The following EPHA5 variants were observed in gnomAD, a reference collection of about 807,000 sequenced individuals.
The protein encoded by EPHA5 is ephrin type-A receptor 5.
EPHA5 carries 60 observed loss-of-function variants against 105.0 expected under a neutral mutation model. The observed-to-expected ratio is 0.57, with a 90% CI of 0.46 to 0.71. The LOEUF is 0.71. Ranked by LOEUF, EPHA5 falls within the 30% of genes least tolerant of loss-of-function variation. The pLI is 0.00. For missense variants in EPHA5, 1,218 were observed against 1,274.7 expected (o/e 0.96, Z 0.68); for synonymous variants, 513 against 449.1 (o/e 1.14, Z -1.80).
At chr4:65,514,728 C>T (rs763892924) in intron 3 of EPHA5, among the ~76,000 whole-genome samples, 1 of 152,130 alleles carries the variant, frequency 6.6e-6, no homozygotes, top group Non-Finnish European at 1.5e-5. Context: ...CCCTAAAATG[C>T]TCGTCATCAA....
chr4:65,602,023 G>A lies in EPHA5; in HGVS notation c.528C>T (p.Thr176=), dbSNP rs745705357. 6.2e-7 allele frequency: 1 copy of A among 1,614,054 alleles called. No individual in the cohort carries two copies. Among genetic ancestry groups the A allele is most frequent in the East Asian group, 2.2e-5 (1 of 44,874 alleles). Residue 176 remains threonine (T), a synonymous_variant, in exon 3 of 17, where the codon ACC becomes ACT. Transcript: ENST00000613740. ...CTGTAAAGCTTTCATCGGCAGCAAT[G>A]GTATCAATTTTGATGTATTGGTTTT... The part of the protein sequence containing the change: ...IKENQYIKID[T]IAADESFTEL...
At chr4:65,627,873 T>C (rs1234368835) in intron 2 of EPHA5, among the ~76,000 whole-genome samples, 1 of 152,148 alleles carries the variant, frequency 6.6e-6, no homozygotes, top group African/African-American at 2.4e-5. Flanking sequence ...TTGACCATCA[T>C]GTCATATTTC....
chr4:65,482,304 A>AC (rs900477299), intron 5 of EPHA5, among the ~76,000 whole-genome samples: 1 of 151,954 alleles, frequency 6.6e-6, no homozygotes, highest in African/African-American at 2.4e-5. Context: ...AAAAAAAAAA[A>AC]AACAACCTGT....
intron 8 of EPHA5, among the ~76,000 whole-genome samples, chr4:65,372,645 A>T (rs1718597165): frequency 6.6e-6 from 1 of 151,884 alleles, no homozygotes; most frequent in African/African-American, 2.4e-5. Context: ...TATGGGAATG[A>T]TGTAAGATTA....
chr4:65,623,417 T>C (rs5000886), intron 2 of EPHA5, among the ~76,000 whole-genome samples: 5 of 151,804 alleles, frequency 3.3e-5, no homozygotes, highest in African/African-American at 1.2e-4. Flanking sequence ...CACTATGCTG[T>C]GGAGACACAA....
chr4:65,460,724 G>A (rs1202337934), intron 5 of EPHA5, among the ~76,000 whole-genome samples: 2 of 151,782 alleles, frequency 1.3e-5, no homozygotes, highest in East Asian at 3.9e-4. Flanking sequence ...TTGACATTTG[G>A]GAATTAATTA....
intron 5 of EPHA5, among the ~76,000 whole-genome samples, chr4:65,482,776 GCAT>G (rs1730501070): frequency 6.6e-6 from 1 of 151,976 alleles, no homozygotes; most frequent in Non-Finnish European, 1.5e-5. Flanking sequence ...CTCTGCAATA[GCAT>G]CATATGTTAG....
intron 3 of EPHA5, among the ~76,000 whole-genome samples, chr4:65,566,392 A>C (rs1739535655): frequency 6.6e-6 from 1 of 151,746 alleles, no homozygotes; most frequent in African/African-American, 2.4e-5. Context: ...AGTTCCTTAA[A>C]AAATCCACTC....
At chr4:65,597,818 T>C (rs892256397) in intron 3 of EPHA5, among the ~76,000 whole-genome samples, 2 of 152,124 alleles carry the variant, frequency 1.3e-5, no homozygotes, top group Non-Finnish European at 2.9e-5. Flanking sequence ...AGATCACAAA[T>C]TGCTAAATTG....
At chr4:65,457,406 A>G (rs1441342712) in intron 5 of EPHA5, among the ~76,000 whole-genome samples, 1 of 152,202 alleles carries the variant, frequency 6.6e-6, no homozygotes, top group Non-Finnish European at 1.5e-5. Flanking sequence ...TATAAGTTAT[A>G]CCTTAAATAA....
intron 3 of EPHA5, among the ~76,000 whole-genome samples, chr4:65,565,260 G>A (rs1261130247): frequency 6.6e-6 from 1 of 151,630 alleles, no homozygotes; most frequent in Non-Finnish European, 1.5e-5. Flanking sequence ...ACCTTTAGCA[G>A]ACTAAATTTT....
chr4:65,353,086 C>T lies in EPHA5; in HGVS notation c.2191G>A (p.Val731Met), dbSNP rs759048340. The T allele has an allele frequency of 1.6e-4, 254 of 1,559,262 alleles. 1 individual carries two copies. The highest frequency in any genetic ancestry group is 4.2e-4 in the Admixed American group (22 of 52,474). Residue 731 changes from valine to methionine, a missense_variant, in exon 12 of 17, where the codon GTG (valine) becomes ATG (methionine). Physicochemically the swap from Val to Met is conservative, Grantham distance 21 (BLOSUM62 1). This residue lies in a region of EPHA5 where 971 missense variants were observed against 1,013.5 expected (regional missense o/e 0.96). Coordinates refer to ENST00000613740, the MANE Select transcript of EPHA5 (RefSeq NM_001281766.3). ...VVTKSKPVMI[V>M]TEYMENGSLD... ...GAGCCATTCTCCATATACTCTGTCA[C>T]GATCATCACTGGTTTACCTGAAAAG...
chr4:65,534,433 A>G (rs1736105372), intron 3 of EPHA5, among the ~76,000 whole-genome samples: 1 of 152,194 alleles, frequency 6.6e-6, no homozygotes, highest in Non-Finnish European at 1.5e-5. Flanking sequence ...TTGAATCTGC[A>G]ATAACATACA....
intron 2 of EPHA5, among the ~76,000 whole-genome samples, chr4:65,638,228 T>C (rs1747329814): frequency 6.6e-6 from 1 of 152,182 alleles, no homozygotes; most frequent in Non-Finnish European, 1.5e-5. Flanking sequence ...TACAACTTAA[T>C]ATATATTTAT....
chr4:65,516,219 C>A (rs1291766647), intron 3 of EPHA5, among the ~76,000 whole-genome samples: 1 of 152,154 alleles, frequency 6.6e-6, no homozygotes, highest in African/African-American at 2.4e-5. Flanking sequence ...TCACTGGAAG[C>A]CTTACCAATA....
intron 5 of EPHA5, among the ~76,000 whole-genome samples, chr4:65,452,745 A>G (rs1727189777): frequency 6.6e-6 from 1 of 152,200 alleles, no homozygotes; most frequent in Non-Finnish European, 1.5e-5. Context: ...AAAGAACTAA[A>G]GCAGAAATGA....
chr4:65,383,581 A>C (rs992175291), intron 8 of EPHA5, among the ~76,000 whole-genome samples: 2 of 151,920 alleles, frequency 1.3e-5, no homozygotes, highest in Non-Finnish European at 2.9e-5. Flanking sequence ...ACTATTGTGG[A>C]GTTCCCTCTG....
chr4:65,452,045 G>A (rs1727118067), intron 5 of EPHA5, among the ~76,000 whole-genome samples: 1 of 152,066 alleles, frequency 6.6e-6, no homozygotes, highest in Admixed American at 6.6e-5. Context: ...TGGGCAGGTG[G>A]GGAAATCTAT....
At chr4:65,462,543 TC>T (rs1728226747) in intron 5 of EPHA5, among the ~76,000 whole-genome samples, 1 of 152,112 alleles carries the variant, frequency 6.6e-6, no homozygotes. Context: ...CAAGATAGCC[TC>T]CTTCAGGAGT....
Sources: gnomAD v4.1 joint callset for allele counts (sites outside exome capture counted in the v4.1 genomes callset) on GRCh38, gnomAD v4.1.1 for gene constraint, gnomAD v4.1.1 regional missense constraint, MANE v1.5 for transcripts, NCBI Gene and HGNC (gene_info 2026-07-23, HGNC 2026-07-21) for gene names.